The following ATRNL1 variants were observed in gnomAD, a reference collection of about 807,000 sequenced individuals.
The protein encoded by ATRNL1 is attractin-like protein 1.
A neutral mutation model predicts 182.7 loss-of-function variants in ATRNL1; 95 were observed. The ratio of observed to expected loss-of-function variants is 0.52; its 90% confidence interval spans 0.44 to 0.62. The LOEUF is 0.62. Ranked by LOEUF, ATRNL1 falls within the 20% of genes least tolerant of loss-of-function variation. The pLI is 0.00. For synonymous variants in ATRNL1, 576 were observed against 568.3 expected (o/e 1.01, Z -0.19); for missense variants, 1,471 against 1,679.5 (o/e 0.88, Z 2.17).
At chr10:115,179,922 A>C (rs1026797080) in intron 8 of ATRNL1, among the ~76,000 whole-genome samples, 6 of 152,128 alleles carry the variant, frequency 3.9e-5, no homozygotes, top group Non-Finnish European at 8.8e-5. Context: ...GTTTTTTAAT[A>C]AGCAGAACCC....
chr10:115,713,844 C>G (rs1555055523), intron 26 of ATRNL1, among the ~76,000 whole-genome samples: 2 of 152,132 alleles, frequency 1.3e-5, no homozygotes, highest in African/African-American at 4.8e-5. Flanking sequence ...AGATACGTTT[C>G]TCAGTTGCCC....
chr10:115,786,203 A>G (rs576095023), intron 27 of ATRNL1, among the ~76,000 whole-genome samples: 3 of 152,090 alleles, frequency 2.0e-5, no homozygotes, highest in Non-Finnish European at 4.4e-5. Context: ...GCCTCCACCC[A>G]TTACCCAATT....
intron 27 of ATRNL1, among the ~76,000 whole-genome samples, chr10:115,766,063 C>G (rs1188750490): frequency 3.9e-5 from 6 of 152,078 alleles, no homozygotes; most frequent in African/African-American, 1.4e-4. Flanking sequence ...TCACTCCTGT[C>G]ACATATTAGC....
chr10:115,647,698 T>C (rs1555033031), intron 26 of ATRNL1, among the ~76,000 whole-genome samples: 1 of 152,240 alleles, frequency 6.6e-6, no homozygotes, highest in Non-Finnish European at 1.5e-5. Flanking sequence ...TTCTTCATAT[T>C]AGCCCTTTGT....
chr10:115,374,317 T>A (rs1384016940), intron 19 of ATRNL1, among the ~76,000 whole-genome samples: 1 of 151,758 alleles, frequency 6.6e-6, no homozygotes, highest in Non-Finnish European at 1.5e-5. Flanking sequence ...TGATCTTTTT[T>A]ATTTTTTTCT....
chr10:115,347,562 G>T (rs1489901862), intron 19 of ATRNL1, among the ~76,000 whole-genome samples: 8 of 151,916 alleles, frequency 5.3e-5, no homozygotes, highest in Non-Finnish European at 1.0e-4. Flanking sequence ...AAAATTCAAA[G>T]TGCATGCCGA....
chr10:115,514,945 T>A (rs1057342075), intron 24 of ATRNL1, among the ~76,000 whole-genome samples: 1 of 151,892 alleles, frequency 6.6e-6, no homozygotes, highest in Non-Finnish European at 1.5e-5. Flanking sequence ...AATTTCGATT[T>A]TCACTTTTAG....
chr10:115,437,860 TCACA>T (rs1337308548), intron 21 of ATRNL1, among the ~76,000 whole-genome samples: 1 of 151,982 alleles, frequency 6.6e-6, no homozygotes, highest in African/African-American at 2.4e-5. Context: ...AAATACATAC[TCACA>T]CAATTACATT....
chr10:115,405,049 G>A (rs1277969418), intron 20 of ATRNL1, among the ~76,000 whole-genome samples: 3 of 151,958 alleles, frequency 2.0e-5, no homozygotes, highest in Non-Finnish European at 4.4e-5. Flanking sequence ...TTAAGATTTA[G>A]GATATACTAC....
intron 26 of ATRNL1, among the ~76,000 whole-genome samples, chr10:115,690,410 C>CG (rs1555047732): frequency 6.6e-6 from 1 of 152,060 alleles, no homozygotes; most frequent in Non-Finnish European, 1.5e-5. Context: ...ATAGGGTTCT[C>CG]GCTCCTGTGA....
chr10:115,127,502 A>T, intron 3 of ATRNL1, 91 bp from the exon 4 acceptor site: 1 of 1,080,148 alleles, frequency 9.3e-7, no homozygotes. Flanking sequence ...AGCATTACTG[A>T]TCCTGGTAAG....
chr10:115,815,548 C>T (rs371988888), intron 27 of ATRNL1, among the ~76,000 whole-genome samples: 1 of 151,488 alleles, frequency 6.6e-6, no homozygotes, highest in Non-Finnish European at 1.5e-5. Context: ...TAACAAACAT[C>T]CAAAAACACT....
At chr10:115,201,725 G>A (rs570740703) in intron 8 of ATRNL1, among the ~76,000 whole-genome samples, 45 of 152,036 alleles carry the variant, frequency 3.0e-4, no homozygotes, top group African/African-American at 9.9e-4. Flanking sequence ...CTCTTTTTTG[G>A]TTCCATATGA....
intron 5 of ATRNL1, among the ~76,000 whole-genome samples, chr10:115,155,381 TAAC>T (rs1554881803): frequency 1.3e-5 from 2 of 152,148 alleles, no homozygotes; most frequent in Admixed American, 6.6e-5. Context: ...GTCTTAATAA[TAAC>T]AAAGTTACTA....
chr10:115,329,381 G>A (rs2134058783), intron 18 of ATRNL1, among the ~76,000 whole-genome samples: 1 of 152,134 alleles, frequency 6.6e-6, no homozygotes, highest in East Asian at 1.9e-4. Flanking sequence ...GGAATATTTT[G>A]TATATGTGAA....
At chr10:115,508,464 C>A (rs782807955) in intron 24 of ATRNL1, among the ~76,000 whole-genome samples, 1 of 151,976 alleles carries the variant, frequency 6.6e-6, no homozygotes, top group South Asian at 2.1e-4. Flanking sequence ...AATGCCAATA[C>A]GGCCGAAATC....
At chr10:115,888,975 C>G (rs1952016004) in intron 28 of ATRNL1, among the ~76,000 whole-genome samples, 2 of 152,088 alleles carry the variant, frequency 1.3e-5, no homozygotes, top group African/African-American at 4.8e-5. Context: ...CCCTACATAC[C>G]CAGGAGGATG....
chr10:115,132,937 T>G (rs1554875611), intron 5 of ATRNL1, among the ~76,000 whole-genome samples: 1 of 152,224 alleles, frequency 6.6e-6, no homozygotes. Flanking sequence ...TTAGTTTAAT[T>G]AGATCCCATT....
chr10:115,427,021 C>T (rs1845935423), intron 21 of ATRNL1, among the ~76,000 whole-genome samples: 1 of 152,202 alleles, frequency 6.6e-6, no homozygotes, highest in African/African-American at 2.4e-5. Context: ...CTGCACCTAG[C>T]TTATCTTTAA....
Sources: gnomAD v4.1 joint callset for allele counts (sites outside exome capture counted in the v4.1 genomes callset) on GRCh38, gnomAD v4.1.1 for gene constraint, MANE v1.5 for transcripts, NCBI Gene and HGNC (gene_info 2026-07-23, HGNC 2026-07-21) for gene names.